CAMK1D: variants seen among roughly 807,000 people sequenced by gnomAD.
The protein encoded by CAMK1D is calcium/calmodulin dependent protein kinase ID.
A neutral mutation model predicts 47.7 loss-of-function variants in CAMK1D; 9 were observed. That is an observed-to-expected ratio of 0.19 (90% confidence interval 0.11 to 0.33). The LOEUF (loss-of-function observed/expected upper bound fraction) is 0.33. CAMK1D is among the 10% of genes least tolerant of loss of function. CAMK1D has a pLI of 1.00. For missense variants in CAMK1D, 291 were observed against 488.7 expected, an observed-to-expected ratio of 0.60 and a Z score of 3.81; for synonymous variants, 184 against 184.9, an observed-to-expected ratio of 0.99 and a Z score of 0.04.
chr10:12,373,829 C>G (rs1027862656), intron 1 of CAMK1D, among the ~76,000 whole-genome samples: 1 of 151,708 alleles, frequency 6.6e-6, no homozygotes, highest in African/African-American at 2.4e-5. Flanking sequence ...AATCCCAGCC[C>G]TTTGGGAGGC....
intron 4 of CAMK1D, among the ~76,000 whole-genome samples, chr10:12,764,773 T>G (rs1179697823): frequency 6.6e-6 from 1 of 152,180 alleles, no homozygotes; most frequent in Non-Finnish European, 1.5e-5. Flanking sequence ...GCATTCTTGT[T>G]TCAACTGATT....
chr10:12,801,757 A>G (rs1838494118), intron 6 of CAMK1D, among the ~76,000 whole-genome samples: 2 of 152,208 alleles, frequency 1.3e-5, no homozygotes, highest in Admixed American at 6.5e-5. Flanking sequence ...CTGTATATCT[A>G]TGTGTGTTTT....
At chr10:12,780,397 T>C (rs983607926) in intron 5 of CAMK1D, among the ~76,000 whole-genome samples, 1 of 152,200 alleles carries the variant, frequency 6.6e-6, no homozygotes, top group Admixed American at 6.5e-5. Context: ...GCTAAATATC[T>C]CCTGTAAATT....
At chr10:12,695,018 C>G (rs955837299) in intron 3 of CAMK1D, among the ~76,000 whole-genome samples, 3 of 127,970 alleles carry the variant, frequency 2.3e-5, no homozygotes, top group Non-Finnish European at 5.0e-5. Flanking sequence ...TAAAATAAAT[C>G]TCTCGATAGA....
At chr10:12,435,461 G>C (rs972857561) in intron 1 of CAMK1D, among the ~76,000 whole-genome samples, 1 of 151,968 alleles carries the variant, frequency 6.6e-6, no homozygotes, top group Non-Finnish European at 1.5e-5. Flanking sequence ...GCTCACCTTT[G>C]TGCAACAGGC....
chr10:12,535,231 C>G (rs1180531109), intron 1 of CAMK1D, among the ~76,000 whole-genome samples: 1 of 152,198 alleles, frequency 6.6e-6, no homozygotes, highest in Non-Finnish European at 1.5e-5. Flanking sequence ...GCAGCCAGGC[C>G]AGGCCCTGTC....
intron 2 of CAMK1D, among the ~76,000 whole-genome samples, chr10:12,628,821 G>C (rs1311241651): frequency 6.6e-6 from 1 of 152,102 alleles, no homozygotes; most frequent in Non-Finnish European, 1.5e-5. Flanking sequence ...GGCTGCCACT[G>C]ACCTTTTCAC....
chr10:12,399,334 T>C (rs910178760), intron 1 of CAMK1D, among the ~76,000 whole-genome samples: 1 of 152,060 alleles, frequency 6.6e-6, no homozygotes, highest in African/African-American at 2.4e-5. Flanking sequence ...TGAAACCCTG[T>C]CTCTACTAAA....
rs1209566393 is a variant in CAMK1D, at chr10:12,748,242, T to C, written c.300-12706T>C. Among the ~76,000 whole-genome samples the C allele has an allele frequency of 2.0e-5, 3 of 152,204 alleles. No individual in the cohort carries two copies. In the South Asian group the frequency reaches 6.2e-4, roughly 31 times the overall value. On this transcript the variant is annotated intron_variant, in intron 3 of 10. Transcript: ENST00000619168. Reference sequence around the variant, plus strand: ...GCATGCTTAGTGTCTTTCAGAATAGTCTCAATAAGAAATAGATTTCTCAAG... The same window carrying C: ...GCATGCTTAGTGTCTTTCAGAATAGCCTCAATAAGAAATAGATTTCTCAAG...
chr10:12,454,223 C>T (rs1297381800), intron 1 of CAMK1D, among the ~76,000 whole-genome samples: 3 of 152,134 alleles, frequency 2.0e-5, no homozygotes, highest in Non-Finnish European at 2.9e-5. Flanking sequence ...AGTGCAGTGA[C>T]GCGATTTCAG....
At chr10:12,822,560 C>T (rs1159800560) in intron 8 of CAMK1D, among the ~76,000 whole-genome samples, 4 of 152,214 alleles carry the variant, frequency 2.6e-5, no homozygotes, top group African/African-American at 4.8e-5. Flanking sequence ...AGAGTCTCCC[C>T]GACCCCAGCA....
At chr10:12,649,798 T>G (rs891384015) in intron 2 of CAMK1D, among the ~76,000 whole-genome samples, 2 of 152,208 alleles carry the variant, frequency 1.3e-5, no homozygotes, top group Non-Finnish European at 2.9e-5. Context: ...ATTTACACTC[T>G]GGTCAAATGG....
chr10:12,615,631 G>A (rs1413857152), intron 2 of CAMK1D, among the ~76,000 whole-genome samples: 1 of 150,676 alleles, frequency 6.6e-6, no homozygotes, highest in Non-Finnish European at 1.5e-5. Flanking sequence ...TGTAGTGTGA[G>A]TGCACGTGTT....
intron 2 of CAMK1D, among the ~76,000 whole-genome samples, chr10:12,575,897 G>A (rs1419754627): frequency 6.6e-6 from 1 of 152,180 alleles, no homozygotes; most frequent in African/African-American, 2.4e-5. Context: ...GGAAACCATG[G>A]CTTGAAGATA....
chr10:12,443,315 A>C (rs1038476991), intron 1 of CAMK1D, among the ~76,000 whole-genome samples: 1 of 152,200 alleles, frequency 6.6e-6, no homozygotes, highest in Non-Finnish European at 1.5e-5. Flanking sequence ...GGGCTAACCT[A>C]TGTTGCCTCC....
intron 2 of CAMK1D, among the ~76,000 whole-genome samples, chr10:12,651,163 T>G (rs1371229299): frequency 2.0e-5 from 3 of 152,044 alleles, no homozygotes; most frequent in African/African-American, 7.2e-5. Flanking sequence ...TTCTGCCAGG[T>G]TCTCTGCCTG....
At chr10:12,615,277 T>C (rs1200270911) in intron 2 of CAMK1D, among the ~76,000 whole-genome samples, 1 of 152,264 alleles carries the variant, frequency 6.6e-6, no homozygotes, top group African/African-American at 2.4e-5. Flanking sequence ...TTCACTATTT[T>C]TGACCCTCGA....
chr10:12,374,243 A>G (rs1222276995), intron 1 of CAMK1D, among the ~76,000 whole-genome samples: 9 of 136,604 alleles, frequency 6.6e-5, no homozygotes, highest in Admixed American at 1.6e-4. Context: ...CTTGTGACAG[A>G]GCGAGACTCT....
At chr10:12,605,264 C>G (rs780036684) in intron 2 of CAMK1D, among the ~76,000 whole-genome samples, 38 of 151,920 alleles carry the variant, frequency 2.5e-4, no homozygotes, top group Middle Eastern at 3.4e-3. Context: ...AGGTCTGGCT[C>G]CTAGGTCAGG....
Sources: allele counts gnomAD v4.1 joint callset (sites outside exome capture counted in the v4.1 genomes callset), GRCh38; gene constraint gnomAD v4.1.1; transcripts MANE v1.5; gene names NCBI Gene and HGNC (gene_info 2026-07-23, HGNC 2026-07-21).